COL18A1: variants seen among roughly 807,000 people sequenced by gnomAD.
The protein encoded by COL18A1 is collagen alpha-1(XVIII) chain.
Under a neutral mutation model 168.0 loss-of-function variants are expected in COL18A1, and 133 were observed. The observed-to-expected ratio is 0.79, with a 90% CI of 0.69 to 0.91. COL18A1 has a LOEUF of 0.91. Among genes scored for constraint, COL18A1 ranks in the 40% least tolerant of loss-of-function variants. COL18A1 has a pLI of 0.00. For synonymous variants in COL18A1, 949 were observed against 809.0 expected (o/e 1.17, Z -2.94); for missense variants, 2,126 against 1,925.4 (o/e 1.10, Z -1.95).
intron 9 of COL18A1, among the ~76,000 whole-genome samples, chr21:45,478,983 C>T (rs2035781741): frequency 6.6e-6 from 1 of 152,212 alleles, no homozygotes; most frequent in Non-Finnish European, 1.5e-5. Context: ...TGGCACCCCA[C>T]AGCCAAGCTG....
intron 2 of COL18A1, chr21:45,408,520 G>A (rs538010763): frequency 1.3e-5 from 2 of 152,236 alleles, no homozygotes; most frequent in Admixed American, 6.5e-5. Context: ...GGGATCCTGT[G>A]GTATGATCAA....
rs1008708627 is a variant in COL18A1, at chr21:45,423,421, C to T, written c.106+17948C>T. Among the ~76,000 whole-genome samples, 2 of 152,226 alleles carry T rather than the reference C, an allele frequency of 1.3e-5. No homozygotes were observed. The highest frequency in any genetic ancestry group is 4.8e-5 in the African/African-American group (2 of 41,456). On this transcript the variant is annotated intron_variant, in intron 2 of 41. Coordinates refer to ENST00000651438, the MANE Select transcript of COL18A1 (RefSeq NM_001379500.1). This position sits in a 1 kb window ranked among gnomAD's most constrained non-coding sequence, Gnocchi z 4.0. The stretch of plus-strand genomic sequence containing the variant: ...GATTTGCAGAGAGAAAGGCGTGGAG[C>T]TCCACAAGCACCTCGGACGGCAGCA...
chr21:45,486,865 G>T lies in COL18A1; in HGVS notation c.1706G>T (p.Ser569Ile). ...GEAGAPGHKG[S>I]KGAPGPAGAR... The stretch of plus-strand genomic sequence containing the variant: ...CGCTCTCCTCACCCCACGCAGGGGA[G>T]CAAGGGAGCCCCCGGTCCTGCTGGT... Residue 569 changes from serine to isoleucine, a missense_variant, in exon 16 of 42, where the codon AGC (serine) becomes ATC (isoleucine). By Grantham distance (142) the Ser-to-Ile change is moderately radical (BLOSUM62 -2). Transcript: ENST00000651438. 11 of 1,528,924 alleles carry T rather than the reference G, an allele frequency of 7.2e-6. No individual in the cohort carries two copies. The highest frequency in any genetic ancestry group is 7.0e-6 in the Non-Finnish European group (8 of 1,139,444). The allele number at this position is 1,528,924 out of a possible 1,614,324, so 94.7% of individuals were successfully genotyped here. A position where few individuals can be genotyped will look rare whatever the true frequency, so the allele number is the denominator to read the frequency against.
intron 38 of COL18A1, among the ~76,000 whole-genome samples, chr21:45,508,540 G>A (rs979900754): frequency 6.6e-6 from 1 of 152,108 alleles, no homozygotes; most frequent in Non-Finnish European, 1.5e-5. Flanking sequence ...GTGGATGGAT[G>A]GGTAGAAATA....
chr21:45,444,273 G>A (rs747210821), intron 2 of COL18A1, among the ~76,000 whole-genome samples: 4 of 152,216 alleles, frequency 2.6e-5, no homozygotes, highest in Non-Finnish European at 4.4e-5. Flanking sequence ...TGCAGCAGGA[G>A]CACGGGTGTG....
At chr21:45,475,714 C>T (rs1003020600) in intron 5 of COL18A1, among the ~76,000 whole-genome samples, 179 bp downstream of exon 5, 1 of 152,090 alleles carries the variant, frequency 6.6e-6, no homozygotes, top group Non-Finnish European at 1.5e-5. Flanking sequence ...AGCCTGGGCA[C>T]AGGCCCCGCT....
intron 15 of COL18A1, among the ~76,000 whole-genome samples, chr21:45,484,645 G>A (rs529626892): frequency 9.4e-4 from 141 of 150,536 alleles, no homozygotes; most frequent in African/African-American, 2.8e-3. Flanking sequence ...ATGTGCACAC[G>A]CATCTCTTAT....
At chr21:45,416,180 C>T (rs990719855) in intron 2 of COL18A1, among the ~76,000 whole-genome samples, 5 of 152,180 alleles carry the variant, frequency 3.3e-5, no homozygotes, top group South Asian at 4.1e-4. Flanking sequence ...TCCCTAGACC[C>T]GGCTTTTTAA....
At chr21:45,479,581 T>TCACACACACACCATGCATAC (rs2064466065) in intron 9 of COL18A1, among the ~76,000 whole-genome samples, 2 of 150,714 alleles carry the variant, frequency 1.3e-5, no homozygotes, top group Admixed American at 6.6e-5. Flanking sequence ...ACCACACTCC[T>TCACACACACACCATGCATAC]CACACACACA....
At chr21:45,438,031 GAC>G (rs1402823311) in intron 2 of COL18A1, among the ~76,000 whole-genome samples, 6 of 59,168 alleles carry the variant, frequency 1.0e-4, no homozygotes, top group South Asian at 5.9e-4. Context: ...CTCACACACA[GAC>G]ACACAGGCAC....
intron 9 of COL18A1, among the ~76,000 whole-genome samples, chr21:45,478,842 G>GT (rs2035777461): frequency 6.6e-6 from 1 of 152,230 alleles, no homozygotes; most frequent in Non-Finnish European, 1.5e-5. Flanking sequence ...CCAGCAAATG[G>GT]TAACACTCGG....
Position 45,480,766 on chromosome 21 carries a change from C to T in COL18A1, c.1519C>T (p.Arg507Cys), listed in dbSNP as rs764759377. 8.1e-6 allele frequency: 13 copies of T among 1,611,234 alleles called. No homozygotes were observed. Among genetic ancestry groups the T allele is most frequent in the Middle Eastern group, 1.6e-4 (1 of 6,084 alleles). Residue 507 changes from arginine to cysteine, a missense_variant, in exon 13 of 42, where the codon CGC (arginine) becomes TGC (cysteine). By Grantham distance (180) the Arg-to-Cys change is radical. Transcript: ENST00000651438. ...GVPGLPGEPG[R>C]FGVNSSDVPG... is the part of the protein sequence containing the mutation. ...CCCAGGCCTGCCCGGCGAGCCAGGC[C>T]GCTTTGGGGTGAACAGCTCCGACGT...
intron 4 of COL18A1, among the ~76,000 whole-genome samples, chr21:45,475,192 C>T (rs1010684700): frequency 6.6e-6 from 1 of 152,218 alleles, no homozygotes; most frequent in Non-Finnish European, 1.5e-5. Context: ...GGAGCGCGTT[C>T]CCCCTCCCGC....
chr21:45,488,312 C>T (rs919517146), intron 17 of COL18A1, 106 bp from the exon 18 acceptor site: 17 of 1,382,194 alleles, frequency 1.2e-5, no homozygotes, highest in East Asian at 9.1e-5. Context: ...CTTTTACACA[C>T]GTATTTTGAA....
chr21:45,417,577 C>T (rs1479845077), intron 2 of COL18A1, among the ~76,000 whole-genome samples: 1 of 152,248 alleles, frequency 6.6e-6, no homozygotes, highest in Admixed American at 6.5e-5. Flanking sequence ...GGACCGCGGT[C>T]TCTCTGGCAT....
chr21:45,493,126 C>T (rs1446693829), intron 24 of COL18A1, 37 bp from the exon 25 acceptor site: 13 of 1,545,160 alleles, frequency 8.4e-6, no homozygotes, highest in Non-Finnish European at 1.1e-5. Context: ...GGGGAGATGC[C>T]AGCCGCTCGG....
chr21:45,476,260 C>G, intron 5 of COL18A1, 91 bp from the exon 6 acceptor site: 11 of 1,564,694 alleles, frequency 7.0e-6, no homozygotes, highest in Non-Finnish European at 9.6e-6. Flanking sequence ...ATCTTTCTTG[C>G]GATCTTAAGT....
chr21:45,439,055 G>A (rs1313817298), intron 2 of COL18A1, among the ~76,000 whole-genome samples: 2 of 152,230 alleles, frequency 1.3e-5, no homozygotes, highest in East Asian at 1.9e-4. Context: ...TGCAGGCCAC[G>A]CTCATCACCC....
chr21:45,477,920 A>G lies in COL18A1; in HGVS notation c.1176A>G (p.Pro392=). ...LQTVPGPQGP[P]GPPGRDGTPG... ...CTGTCCCCGGACCACAAGGACCCCC[A>G]GGGCCTCCGGGGAGGGACGGCACCC... The change falls in exon 8 of 42, where the codon CCA becomes CCG. Residue 392 remains proline (P), a synonymous_variant. Coordinates refer to ENST00000651438, the MANE Select transcript of COL18A1 (RefSeq NM_001379500.1). 1.3e-6 allele frequency: 2 copies of G among 1,565,388 alleles called. No homozygotes were observed. The highest frequency in any genetic ancestry group is 8.7e-7 in the Non-Finnish European group (1 of 1,154,914).
Sources: gnomAD v4.1 joint callset for allele counts (sites outside exome capture counted in the v4.1 genomes callset) on GRCh38, gnomAD v4.1.1 for gene constraint, Gnocchi (gnomAD v3.1) non-coding constraint, MANE v1.5 for transcripts, NCBI Gene and HGNC (gene_info 2026-07-23, HGNC 2026-07-21) for gene names.